CDH12: variants seen among roughly 807,000 people sequenced by gnomAD.
CDH12 encodes the protein cadherin 12, also known as cadherin-12.
In CDH12, 41 loss-of-function variants were observed where a neutral mutation model predicts 74.1. The ratio of observed to expected loss-of-function variants is 0.55; its 90% CI spans 0.43 to 0.72. The LOEUF is 0.72. CDH12 is among the 30% of genes least tolerant of loss of function. The probability of loss-of-function intolerance (pLI) is 0.00; values close to 1 mark genes in which losing one functional copy is unlikely to be tolerated. For missense variants in CDH12, 945 were observed against 977.2 expected, an observed-to-expected ratio of 0.97 and a Z score of 0.44; for synonymous variants, 399 against 355.0, an observed-to-expected ratio of 1.12 and a Z score of -1.39.
At chr5:22,074,969 C>A (rs1294302479) in intron 5 of CDH12, among the ~76,000 whole-genome samples, 1 of 151,934 alleles carries the variant, frequency 6.6e-6, no homozygotes, top group Non-Finnish European at 1.5e-5. Context: ...GGTATATACC[C>A]AAAGGATTAT....
chr5:22,211,922 TG>T (rs1242793838), intron 4 of CDH12, among the ~76,000 whole-genome samples: 2 of 152,140 alleles, frequency 1.3e-5, no homozygotes, highest in Non-Finnish European at 2.9e-5. Context: ...ATTATATGAA[TG>T]GTACAATAAG....
chr5:21,818,378 G>A (rs1748181810), intron 8 of CDH12, among the ~76,000 whole-genome samples: 1 of 151,918 alleles, frequency 6.6e-6, no homozygotes, highest in African/African-American at 2.4e-5. Context: ...GAAGGTGTGA[G>A]AAAAAAATCA....
intron 3 of CDH12, among the ~76,000 whole-genome samples, chr5:22,329,818 G>T (rs1739272588): frequency 6.6e-6 from 1 of 152,228 alleles, no homozygotes; most frequent in South Asian, 2.1e-4. Flanking sequence ...GCCCTAGCCA[G>T]AGAGGATTCA....
chr5:22,324,127 T>C (rs1250866494), intron 3 of CDH12, among the ~76,000 whole-genome samples: 1 of 152,172 alleles, frequency 6.6e-6, no homozygotes, highest in Non-Finnish European at 1.5e-5. Flanking sequence ...ATGACTTCAG[T>C]GATGACAAGT....
intron 5 of CDH12, among the ~76,000 whole-genome samples, chr5:22,030,103 G>A (rs991083189): frequency 6.7e-6 from 1 of 149,306 alleles, no homozygotes; most frequent in Non-Finnish European, 1.5e-5. Context: ...TCACACTCTG[G>A]GGACGGTTGT....
intron 1 of CDH12, among the ~76,000 whole-genome samples, chr5:22,647,286 A>G (rs898963324): frequency 6.6e-6 from 1 of 151,864 alleles, no homozygotes. Flanking sequence ...GGACTGGCTC[A>G]TTGTTAAAAT....
chr5:22,307,642 T>G (rs1738170076), intron 3 of CDH12, among the ~76,000 whole-genome samples: 1 of 152,124 alleles, frequency 6.6e-6, no homozygotes, highest in South Asian at 2.1e-4. Context: ...CAAGAAATAT[T>G]GTGTTTTTCC....
chr5:22,530,149 A>G (rs769029757), intron 1 of CDH12, among the ~76,000 whole-genome samples: 8 of 152,198 alleles, frequency 5.3e-5, no homozygotes, highest in Non-Finnish European at 8.8e-5. Context: ...ATCAAAGAGT[A>G]AGTTCCTTCT....
intron 11 of CDH12, among the ~76,000 whole-genome samples, chr5:21,766,038 C>G (rs1294789780): frequency 6.6e-6 from 1 of 151,902 alleles, no homozygotes; most frequent in Admixed American, 6.6e-5. Flanking sequence ...TTCCATCATA[C>G]CTTCTCCATT....
At chr5:22,182,398 A>AT (rs1749696509) in intron 4 of CDH12, among the ~76,000 whole-genome samples, 2 of 152,174 alleles carry the variant, frequency 1.3e-5, no homozygotes, top group East Asian at 1.9e-4. Flanking sequence ...ATTACAGTCC[A>AT]TTTTACCTAC....
intron 1 of CDH12, among the ~76,000 whole-genome samples, chr5:22,666,454 T>A (rs1166258393): frequency 6.6e-6 from 1 of 151,794 alleles, no homozygotes; most frequent in Non-Finnish European, 1.5e-5. Flanking sequence ...TACGCCCGGC[T>A]AATTTTTGTA....
At chr5:22,426,051 G>A (rs1743921298) in intron 2 of CDH12, among the ~76,000 whole-genome samples, 1 of 151,894 alleles carries the variant, frequency 6.6e-6, no homozygotes, top group Non-Finnish European at 1.5e-5. Context: ...GCTGGGTGTG[G>A]TGGCGGGCGC....
intron 5 of CDH12, among the ~76,000 whole-genome samples, chr5:22,020,219 T>C (rs1737881032): frequency 6.6e-6 from 1 of 152,062 alleles, no homozygotes; most frequent in South Asian, 2.1e-4. Flanking sequence ...GTGGGTGGCT[T>C]AAAGAAGAGA....
At chr5:22,140,971 T>C (rs544991903) in intron 4 of CDH12, among the ~76,000 whole-genome samples, 30 of 152,348 alleles carry the variant, frequency 2.0e-4, no homozygotes, top group African/African-American at 7.0e-4. Context: ...AGCTTCCTTA[T>C]GTAGGCCTTC....
intron 1 of CDH12, among the ~76,000 whole-genome samples, chr5:22,794,643 GA>G (rs1222885006): frequency 1.3e-5 from 2 of 152,170 alleles, no homozygotes; most frequent in East Asian, 3.8e-4. Flanking sequence ...AATAGATACA[GA>G]AAAACACAAA....
intron 5 of CDH12, among the ~76,000 whole-genome samples, chr5:21,988,223 G>A (rs917624378): frequency 6.6e-6 from 1 of 152,050 alleles, no homozygotes; most frequent in African/African-American, 2.4e-5. Flanking sequence ...CTGGCGTTGC[G>A]GCTCATGTCT....
At position 22,372,347 on chromosome 5, in the gene CDH12, G is replaced by A. The variant is rs1358416951; in HGVS notation, c.-333+32910C>T. On this transcript the variant is annotated intron_variant, in intron 3 of 14. Transcript: ENST00000382254. ...ACCAGGCAGCCTGCTTGGCAGCTGG[G>A]AGAAGCTCCTGGAGGCCAGGAAAGG... 2.0e-5 allele frequency among the ~76,000 whole-genome samples: 3 copies of A among 152,132 alleles called. No homozygotes were observed. In the South Asian group the frequency reaches 6.2e-4, roughly 31 times the overall value.
intron 3 of CDH12, among the ~76,000 whole-genome samples, chr5:22,367,983 T>A (rs957816867): frequency 6.6e-5 from 10 of 152,306 alleles, no homozygotes; most frequent in African/African-American, 2.4e-4. Context: ...TTATGCATTA[T>A]CACCAGAAAT....
rs1753093638 is a variant in CDH12 at position 22,250,304 on chromosome 5, G to A, written c.-332-37661C>T. Among the ~76,000 whole-genome samples, 6 of 152,170 alleles carry A rather than the reference G, an allele frequency of 3.9e-5. No individual in the cohort carries two copies. In the South Asian group the frequency reaches 1.2e-3, roughly 32 times the overall value. ...TCTACAAATCTGCAATTTGGGCATG[G>A]CAGGGACAACTTGTCTCTGCTCCAT... On this transcript the variant is annotated intron_variant, in intron 3 of 14. Coordinates refer to ENST00000382254, the MANE Select transcript of CDH12 (RefSeq NM_004061.5).
Sources: gnomAD v4.1 joint callset for allele counts (sites outside exome capture counted in the v4.1 genomes callset) on GRCh38, gnomAD v4.1.1 for gene constraint, MANE v1.5 for transcripts, NCBI Gene and HGNC (gene_info 2026-07-23, HGNC 2026-07-21) for gene names.